The following PIAS1 variants were observed in gnomAD, a reference collection of about 807,000 sequenced individuals.
PIAS1 encodes the protein E3 SUMO-protein ligase PIAS1.
Under a neutral mutation model 71.3 loss-of-function variants are expected in PIAS1, and 6 were observed. The observed-to-expected ratio is 0.08, with a 90% CI of 0.05 to 0.17. The LOEUF (loss-of-function observed/expected upper bound fraction) is 0.17, where lower values mean the gene tolerates loss of function less well. Among genes scored for constraint, PIAS1 ranks in the 10% least tolerant of loss-of-function variants. The probability of loss-of-function intolerance (pLI) is 1.00; values close to 1 mark genes in which losing one functional copy is unlikely to be tolerated. For missense variants in PIAS1, 555 were observed against 793.6 expected (o/e 0.70, Z 3.61); for synonymous variants, 303 against 292.9 (o/e 1.03, Z -0.35).
Position 68,187,784 on chromosome 15 carries a change from G to T in PIAS1, c.1905G>T (p.Thr635=). ...HSHTVTNRSS[T]DTASIFGIIP... is the part of the protein sequence containing the mutation. ...ACACCGTCACAAACAGGAGCAGCAC[G>T]GACACGGCATCCATCTTTGGCATCA... The change falls in exon 14 of 14, where the codon ACG becomes ACT. Residue 635 remains threonine, a synonymous_variant. Coordinates refer to ENST00000249636, the MANE Select transcript of PIAS1 (RefSeq NM_016166.3). This position sits in a 1 kb window ranked among gnomAD's most constrained non-coding sequence, Gnocchi z 5.3. 1 of 1,613,872 alleles carries T rather than the reference G, an allele frequency of 6.2e-7. No homozygotes were observed. The highest frequency in any genetic ancestry group is 8.5e-7 in the Non-Finnish European group (1 of 1,179,874).
chr15:68,169,952 C>A, intron 8 of PIAS1, among the ~76,000 whole-genome samples: 1 of 151,934 alleles, frequency 6.6e-6, no homozygotes, highest in East Asian at 1.9e-4. Context: ...GGTAGTGGGG[C>A]CAGGATTCAT....
At chr15:68,172,315 G>C (rs1435164939) in intron 8 of PIAS1, among the ~76,000 whole-genome samples, 1 of 152,132 alleles carries the variant, frequency 6.6e-6, no homozygotes, top group African/African-American at 2.4e-5. Flanking sequence ...GTCTATCATT[G>C]ATGGACATTT....
At chr15:68,156,738 A>C (rs551764472) in intron 7 of PIAS1, among the ~76,000 whole-genome samples, 29 of 150,264 alleles carry the variant, frequency 1.9e-4, no homozygotes, top group Admixed American at 1.0e-3. Flanking sequence ...AGAGAGAGAG[A>C]GAGAGAGCGC....
intron 6 of PIAS1, among the ~76,000 whole-genome samples, chr15:68,148,703 G>A (rs1302533190): frequency 6.6e-6 from 1 of 152,248 alleles, no homozygotes; most frequent in Non-Finnish European, 1.5e-5. Flanking sequence ...TGGGATTACA[G>A]GCATGAGCCA....
chr15:68,098,677 C>T (rs2092398172), intron 2 of PIAS1, among the ~76,000 whole-genome samples: 1 of 152,074 alleles, frequency 6.6e-6, no homozygotes, highest in Non-Finnish European at 1.5e-5. Flanking sequence ...TATATTTTTA[C>T]TGGGGTAGCT....
intron 2 of PIAS1, among the ~76,000 whole-genome samples, chr15:68,135,052 G>A (rs2092716233): frequency 2.2e-5 from 1 of 46,114 alleles, no homozygotes; most frequent in East Asian, 5.9e-4. Flanking sequence ...GCCGGGCAGA[G>A]GCGCCCCTCA....
intron 4 of PIAS1, among the ~76,000 whole-genome samples, chr15:68,144,101 A>T (rs1368183558): frequency 1.3e-5 from 2 of 149,582 alleles, no homozygotes; most frequent in African/African-American, 2.5e-5. Context: ...TTTAATTGAA[A>T]TGTATCTCCA....
At chr15:68,181,109 C>G in intron 11 of PIAS1, 103 bp from the exon 12 acceptor site, 1 of 875,594 alleles carries the variant, frequency 1.1e-6, no homozygotes, top group Non-Finnish European at 1.8e-6. Flanking sequence ...TTCTTATTTC[C>G]AGCACTAAAC....
chr15:68,119,959 G>A (rs1010744044), intron 2 of PIAS1, among the ~76,000 whole-genome samples: 2 of 152,082 alleles, frequency 1.3e-5, no homozygotes, highest in Admixed American at 1.3e-4. Flanking sequence ...TTTGGTTTTT[G>A]TTGTTTGCTT....
chr15:68,057,522 A>C (rs2091909931), intron 1 of PIAS1: 1 of 436,920 alleles, frequency 2.3e-6, no homozygotes, highest in East Asian at 7.6e-5. Context: ...ATTTTAGTGG[A>C]GTAAATAATG....
chr15:68,075,004 C>T (rs1261589832), intron 1 of PIAS1, among the ~76,000 whole-genome samples: 1 of 150,146 alleles, frequency 6.7e-6, no homozygotes, highest in African/African-American at 2.4e-5. Flanking sequence ...TCATGAGCCT[C>T]ACCTTGAAAA....
intron 1 of PIAS1, chr15:68,055,861 G>T (rs1426278150): frequency 4.3e-6 from 3 of 696,662 alleles, no homozygotes; most frequent in South Asian, 3.0e-5. Flanking sequence ...CACCGAAAGA[G>T]CTTTTCTCCT....
chr15:68,169,351 C>A (rs1027801608), intron 8 of PIAS1, among the ~76,000 whole-genome samples: 4 of 152,118 alleles, frequency 2.6e-5, no homozygotes, highest in African/African-American at 9.7e-5. Flanking sequence ...GTTCTTTTGG[C>A]CTTTTTATCA....
At chr15:68,146,763 A>T (rs576273919) in intron 6 of PIAS1, 63 bp downstream of exon 6, 3 of 1,141,432 alleles carry the variant, frequency 2.6e-6, no homozygotes, top group Admixed American at 4.0e-5. Context: ...CACCATGCCT[A>T]TCTGAATTTA....
At chr15:68,100,198 T>A (rs1203080340) in intron 2 of PIAS1, among the ~76,000 whole-genome samples, 2 of 152,176 alleles carry the variant, frequency 1.3e-5, no homozygotes. Flanking sequence ...AACCTAGCCT[T>A]CTCCATTGTT....
At chr15:68,113,130 A>G (rs2092536240) in intron 2 of PIAS1, among the ~76,000 whole-genome samples, 1 of 152,306 alleles carries the variant, frequency 6.6e-6, no homozygotes, top group South Asian at 2.1e-4. Flanking sequence ...AGACTTTAAT[A>G]TGTTTTAAGA....
Position 68,107,314 on chromosome 15 carries a change from A to G in PIAS1, c.469+20564A>G, listed in dbSNP as rs80069685. Among the ~76,000 whole-genome samples, 110 of 152,300 alleles carry G rather than the reference A, an allele frequency of 7.2e-4. 1 individual carries two copies. The East Asian group carries it at 0.019, about 26-fold the overall frequency. ...ATGCTTAGGTATGGTCTCACTTCCT[A>G]TCACCTCACTCTAATGAGTCCTCTT... On this transcript the variant is annotated intron_variant, in intron 2 of 13. Coordinates refer to ENST00000249636, the MANE Select transcript of PIAS1 (RefSeq NM_016166.3).
intron 11 of PIAS1, among the ~76,000 whole-genome samples, chr15:68,177,290 A>G (rs2093026301): frequency 6.6e-6 from 1 of 151,570 alleles, no homozygotes; most frequent in Non-Finnish European, 1.5e-5. Flanking sequence ...AAAAAAAAAA[A>G]AAAAAAAGAA....
At chr15:68,064,591 T>C (rs2091996788) in intron 1 of PIAS1, among the ~76,000 whole-genome samples, 1 of 152,240 alleles carries the variant, frequency 6.6e-6, no homozygotes, top group East Asian at 1.9e-4. Flanking sequence ...TGCAGCAGCC[T>C]TTAAGAACCT....
Sources: gnomAD v4.1 joint callset for allele counts (sites outside exome capture counted in the v4.1 genomes callset) on GRCh38, gnomAD v4.1.1 for gene constraint, Gnocchi (gnomAD v3.1) non-coding constraint, MANE v1.5 for transcripts, NCBI Gene and HGNC (gene_info 2026-07-23, HGNC 2026-07-21) for gene names.